The following SHANK2 variants were observed in gnomAD, a reference collection of about 807,000 sequenced individuals.
The protein encoded by SHANK2 is SH3 and multiple ankyrin repeat domains protein 2.
A neutral mutation model predicts 133.7 loss-of-function variants in SHANK2; 43 were observed. The ratio of observed to expected loss-of-function variants is 0.32; its 90% confidence interval spans 0.25 to 0.41. SHANK2 has a LOEUF of 0.41. Among genes scored for constraint, SHANK2 ranks in the 10% least tolerant of loss-of-function variants. SHANK2 has a pLI of 1.00. For synonymous variants in SHANK2, 1,017 were observed against 952.8 expected (o/e 1.07, Z -1.24); for missense variants, 1,994 against 2,235.8 (o/e 0.89, Z 2.18).
chr11:70,574,503 A>T (rs1156423104), intron 17 of SHANK2, among the ~76,000 whole-genome samples: 1 of 152,172 alleles, frequency 6.6e-6, no homozygotes, highest in Non-Finnish European at 1.5e-5. Flanking sequence ...TCACTCATTC[A>T]TCTGACTCTG....
intron 14 of SHANK2, among the ~76,000 whole-genome samples, chr11:70,727,612 C>A (rs1301783043): frequency 1.3e-5 from 2 of 152,202 alleles, no homozygotes; most frequent in Non-Finnish European, 2.9e-5. Context: ...TAGGTGGTTT[C>A]TTTGTGGGTA....
chr11:70,787,440 T>C (rs1343095424), intron 14 of SHANK2, among the ~76,000 whole-genome samples: 26 of 124,724 alleles, frequency 2.1e-4, no homozygotes, highest in African/African-American at 8.2e-4. Context: ...ACCACTGTCA[T>C]CACCAAGACC....
intron 2 of SHANK2, among the ~76,000 whole-genome samples, chr11:71,159,854 T>G (rs577761968): frequency 6.0e-5 from 9 of 150,958 alleles, no homozygotes; most frequent in South Asian, 2.1e-4. Context: ...GGCATGGTGG[T>G]GGCACACCTG....
intron 14 of SHANK2, among the ~76,000 whole-genome samples, chr11:70,759,588 G>A (rs558767088): frequency 8.5e-5 from 13 of 152,326 alleles, no homozygotes; most frequent in South Asian, 4.1e-4. Context: ...ACAACTGGCC[G>A]GCGTTAACAC....
In SHANK2 at chr11:70,486,939, G is replaced by A; in HGVS notation, c.3354C>T (p.Ala1118=). The change falls in exon 25 of 26, where the codon GCC becomes GCT. Residue 1118 remains alanine (A), a synonymous_variant. Coordinates refer to ENST00000601538, the MANE Select transcript of SHANK2 (RefSeq NM_012309.5). The surrounding 1 kb of genome is among the most constrained non-coding windows in gnomAD (Gnocchi z 8.0). ...GDEDVGLGPP[A]PRTRPSMFPE... ...GGAACATGGAGGGCCGCGTCCTGGG[G>A]GCGGGTGGCCCCAGGCCCACATCCT... 2 of 1,612,428 alleles carry A rather than the reference G, an allele frequency of 1.2e-6. No homozygotes were observed. The highest frequency in any genetic ancestry group is 1.7e-6 in the Non-Finnish European group (2 of 1,179,738).
intron 10 of SHANK2, among the ~76,000 whole-genome samples, chr11:70,900,240 G>A (rs1200833249): frequency 6.6e-6 from 1 of 152,130 alleles, no homozygotes; most frequent in Non-Finnish European, 1.5e-5. Flanking sequence ...TGTAGTCTCA[G>A]CTATTCGGGA....
At chr11:70,866,229 C>T (rs1949356544) in intron 11 of SHANK2, among the ~76,000 whole-genome samples, 1 of 152,186 alleles carries the variant, frequency 6.6e-6, no homozygotes, top group South Asian at 2.1e-4. Context: ...CACCGAGTGG[C>T]TCCCCTGCCA....
At chr11:70,480,563 C>T (rs892414974) in intron 25 of SHANK2, among the ~76,000 whole-genome samples, 2 of 152,166 alleles carry the variant, frequency 1.3e-5, no homozygotes, top group African/African-American at 2.4e-5. Context: ...TTTCTCCCCT[C>T]GAGAATTTGA....
intron 11 of SHANK2, among the ~76,000 whole-genome samples, chr11:70,876,231 CACACACATATAG>C (rs1223717652): frequency 4.9e-4 from 2 of 4,116 alleles, no homozygotes; most frequent in Non-Finnish European, 3.2e-3. Flanking sequence ...ATAATACACA[CACACACATATAG>C]ACACACACAC....
At position 70,830,553 on chromosome 11, in the gene SHANK2, C is replaced by T. The variant is rs952223675; in HGVS notation, c.1175-9871G>A. On this transcript the variant is annotated intron_variant, in intron 11 of 25. Coordinates refer to ENST00000601538, the MANE Select transcript of SHANK2 (RefSeq NM_012309.5). The surrounding 1 kb of genome is among the most constrained non-coding windows in gnomAD (Gnocchi z 4.4). ...AAGCAGAGGCGGGTGCACAGCCTCC[C>T]GCAGAACTCCGGGAATTCGCTAGCG... 6.6e-6 allele frequency among the ~76,000 whole-genome samples: 1 copy of T among 152,184 alleles called. No individual in the cohort carries two copies. Among genetic ancestry groups the T allele is most frequent in the Non-Finnish European group, 1.5e-5 (1 of 68,036 alleles).
chr11:71,142,362 G>A (rs574673528), intron 3 of SHANK2, among the ~76,000 whole-genome samples: 126 of 152,272 alleles, frequency 8.3e-4, no homozygotes, highest in African/African-American at 2.7e-3. Flanking sequence ...TTAGCCAGGC[G>A]TGGTGGCGCA....
intron 2 of SHANK2, among the ~76,000 whole-genome samples, chr11:71,207,567 C>G (rs1954152826): frequency 6.6e-6 from 1 of 152,190 alleles, no homozygotes; most frequent in East Asian, 1.9e-4. Flanking sequence ...TACATTCTCT[C>G]TGATTTTTCC....
At chr11:71,205,514 C>A (rs1054102631) in intron 2 of SHANK2, among the ~76,000 whole-genome samples, 7 of 152,218 alleles carry the variant, frequency 4.6e-5, no homozygotes, top group African/African-American at 1.7e-4. Flanking sequence ...TGCCAGGAGA[C>A]CCACGTGCCA....
intron 11 of SHANK2, chr11:70,863,659 C>A: frequency 2.4e-6 from 1 of 425,166 alleles, no homozygotes; most frequent in Non-Finnish European, 4.8e-6. Context: ...CTCTCTCTGG[C>A]ATCCTGGGCT....
chr11:70,641,726 A>G (rs1478885196), intron 17 of SHANK2, among the ~76,000 whole-genome samples: 1 of 152,194 alleles, frequency 6.6e-6, no homozygotes, highest in African/African-American at 2.4e-5. Context: ...GGGGCAATAA[A>G]TATCTTTCCA....
At position 70,471,131 on chromosome 11, in the gene SHANK2, CTTT is replaced by C; in HGVS notation, c.*1735_*1737del. The stretch of plus-strand genomic sequence containing the variant: ...CAAAGGCTGCCTAGTAGACCAGCCA[CTTT>C]TTTTTCTTAAAATATTGTGCTTATA... On this transcript the variant is annotated 3_prime_UTR_variant, in exon 26 of 26. Coordinates refer to ENST00000601538, the MANE Select transcript of SHANK2 (RefSeq NM_012309.5). This position sits in a 1 kb window ranked among gnomAD's most constrained non-coding sequence, Gnocchi z 4.1. 2.5e-6 allele frequency: 1 copy of C among 396,848 alleles called. No homozygotes were observed. The highest frequency in any genetic ancestry group is 4.4e-5 in the Admixed American group (1 of 22,654). The allele number at this position is 396,848 out of a possible 1,614,324, so 24.6% of individuals were successfully genotyped here. A position where few individuals can be genotyped will look rare whatever the true frequency, so the allele number is the denominator to read the frequency against.
chr11:71,072,078 C>T (rs1005046481), intron 9 of SHANK2, among the ~76,000 whole-genome samples: 1 of 152,210 alleles, frequency 6.6e-6, no homozygotes, highest in African/African-American at 2.4e-5. Context: ...AAGGCACGGA[C>T]AGAGAAGTCC....
chr11:71,143,051 T>C (rs1478967937), intron 3 of SHANK2, among the ~76,000 whole-genome samples: 1 of 152,062 alleles, frequency 6.6e-6, no homozygotes, highest in African/African-American at 2.4e-5. Context: ...CTGGGCAACA[T>C]GGTAAAACCC....
chr11:71,071,071 T>C (rs1168628511), intron 9 of SHANK2, among the ~76,000 whole-genome samples: 1 of 152,064 alleles, frequency 6.6e-6, no homozygotes, highest in Admixed American at 6.5e-5. Flanking sequence ...TTATTTCAAG[T>C]GACAAAAAAC....
Sources: allele counts gnomAD v4.1 joint callset (sites outside exome capture counted in the v4.1 genomes callset), GRCh38; gene constraint gnomAD v4.1.1; non-coding constraint Gnocchi (gnomAD v3.1); transcripts MANE v1.5; gene names NCBI Gene and HGNC (gene_info 2026-07-23, HGNC 2026-07-21).